Variants in MPP7 observed in about 807,000 individuals in gnomAD.
The protein encoded by MPP7 is MAGUK p55 scaffold protein 7, also known as MAGUK p55 subfamily member 7.
In MPP7, 60 loss-of-function variants were observed where a neutral mutation model predicts 76.5. The ratio of observed to expected loss-of-function variants is 0.78; its 90% CI spans 0.64 to 0.97. The LOEUF (loss-of-function observed/expected upper bound fraction) is 0.97, where lower values mean the gene tolerates loss of function less well. MPP7 is among the 50% of genes least tolerant of loss of function. The pLI, the probability that MPP7 is intolerant of heterozygous loss-of-function variation, is 0.00. For synonymous variants in MPP7, 237 were observed against 244.5 expected (o/e 0.97, Z 0.29); for missense variants, 641 against 694.0 (o/e 0.92, Z 0.86).
At chr10:28,269,426 G>A (rs1840250945) in intron 1 of MPP7, among the ~76,000 whole-genome samples, 1 of 151,934 alleles carries the variant, frequency 6.6e-6, no homozygotes, top group South Asian at 2.1e-4. Flanking sequence ...TACCACAAAA[G>A]AAGCCAATCC....
intron 1 of MPP7, among the ~76,000 whole-genome samples, chr10:28,253,481 G>A (rs527623348): frequency 6.6e-6 from 1 of 152,180 alleles, no homozygotes; most frequent in South Asian, 2.1e-4. Flanking sequence ...TAATCAGAAA[G>A]AGGAAAAATA....
At chr10:28,125,610 T>A (rs972926970) in intron 6 of MPP7, among the ~76,000 whole-genome samples, 9 of 149,400 alleles carry the variant, frequency 6.0e-5, no homozygotes, top group African/African-American at 2.0e-4. Context: ...AATAAAAATT[T>A]AAAAATTAAA....
chr10:28,058,410 A>G, intron 15 of MPP7, 85 bp downstream of exon 15: 1 of 639,626 alleles, frequency 1.6e-6, no homozygotes, highest in Middle Eastern at 2.7e-4. Context: ...AGTTGACTTC[A>G]TATTATTTCA....
chr10:28,217,800 GT>G (rs1244204453), intron 2 of MPP7, among the ~76,000 whole-genome samples: 1 of 152,112 alleles, frequency 6.6e-6, no homozygotes, highest in African/African-American at 2.4e-5. Context: ...AATTACCAGG[GT>G]TGTCATGTTT....
At chr10:28,207,574 A>G (rs910092245) in intron 2 of MPP7, among the ~76,000 whole-genome samples, 1 of 152,002 alleles carries the variant, frequency 6.6e-6, no homozygotes, top group African/African-American at 2.4e-5. Flanking sequence ...AGTCCCAGAT[A>G]CTCAGGAGGC....
chr10:28,174,511 C>A (rs1258065418), intron 3 of MPP7, among the ~76,000 whole-genome samples: 1 of 152,154 alleles, frequency 6.6e-6, no homozygotes, highest in Non-Finnish European at 1.5e-5. Flanking sequence ...CGTCCTGAGA[C>A]CCTCATCAAG....
intron 3 of MPP7, among the ~76,000 whole-genome samples, chr10:28,155,301 C>T (rs1836015045): frequency 6.6e-6 from 1 of 151,938 alleles, no homozygotes; most frequent in Non-Finnish European, 1.5e-5. Context: ...AATAAATAGC[C>T]ATTAAAGGCC....
intron 1 of MPP7, among the ~76,000 whole-genome samples, chr10:28,244,187 C>T (rs112011890): frequency 0.013 from 1,919 of 152,256 alleles, 25 homozygotes; most frequent in South Asian, 0.029. Context: ...ATTCTATATC[C>T]TTACATCCTA....
intron 6 of MPP7, 97 bp from the exon 7 acceptor site, chr10:28,125,188 C>T: frequency 9.4e-7 from 1 of 1,066,068 alleles, no homozygotes; most frequent in Non-Finnish European, 1.4e-6. Flanking sequence ...AAAGAGAAAA[C>T]AACTACAAAA....
At chr10:28,140,339 C>T (rs971476662) in intron 5 of MPP7, among the ~76,000 whole-genome samples, 6 of 151,988 alleles carry the variant, frequency 3.9e-5, no homozygotes, top group African/African-American at 1.4e-4. Context: ...GGTGAAACCC[C>T]AATCTCTACT....
intron 11 of MPP7, among the ~76,000 whole-genome samples, chr10:28,114,765 T>A (rs1363811821): frequency 6.6e-6 from 1 of 152,196 alleles, no homozygotes; most frequent in Non-Finnish European, 1.5e-5. Flanking sequence ...CCAACCTGCA[T>A]GGCATTGAGT....
intron 1 of MPP7, among the ~76,000 whole-genome samples, chr10:28,249,796 C>G (rs935115682): frequency 8.5e-5 from 13 of 152,140 alleles, no homozygotes; most frequent in Non-Finnish European, 2.9e-5. Flanking sequence ...CCTGCACCTT[C>G]CCCTGGTGGG....
At chr10:28,059,931 T>C (rs1851710683) in intron 13 of MPP7, among the ~76,000 whole-genome samples, 188 bp from the exon 14 acceptor site, 1 of 152,240 alleles carries the variant, frequency 6.6e-6, no homozygotes, top group South Asian at 2.1e-4. Context: ...ATTAAAATTA[T>C]ATTGATTTGA....
chr10:28,076,666 T>C (rs751249462), intron 12 of MPP7, among the ~76,000 whole-genome samples: 7 of 152,108 alleles, frequency 4.6e-5, no homozygotes, highest in Non-Finnish European at 8.8e-5. Flanking sequence ...GACAGGCGGA[T>C]CACCTGAGGT....
rs532335513 is a variant in MPP7, at chr10:28,226,036, A to G, written c.37+12532T>C. 4.6e-5 allele frequency among the ~76,000 whole-genome samples: 7 copies of G among 152,334 alleles called. No individual in the cohort carries two copies. The South Asian group carries it at 1.5e-3, about 32-fold the overall frequency. On this transcript the variant is annotated intron_variant, in intron 2 of 16. Transcript: ENST00000683449. ...TACACAAAATGCAGTATATACATAC[A>G]ATGGAATATTATTCCACCATAAAAA...
chr10:28,198,439 G>A, intron 3 of MPP7, among the ~76,000 whole-genome samples: 1 of 152,076 alleles, frequency 6.6e-6, no homozygotes, highest in East Asian at 1.9e-4. Context: ...GCCGGGACTG[G>A]TGACAGACGG....
intron 11 of MPP7, among the ~76,000 whole-genome samples, chr10:28,103,542 T>A (rs1020355549): frequency 6.6e-6 from 1 of 152,134 alleles, no homozygotes; most frequent in Non-Finnish European, 1.5e-5. Flanking sequence ...AAATGCCCAT[T>A]TCCCCAGCTC....
At chr10:28,201,650 T>C (rs1011945026) in intron 3 of MPP7, among the ~76,000 whole-genome samples, 2 of 152,148 alleles carry the variant, frequency 1.3e-5, no homozygotes, top group African/African-American at 4.8e-5. Context: ...TTACTCACAT[T>C]CGGCTTCAGT....
At chr10:28,236,916 T>C (rs777227500) in intron 2 of MPP7, 9 of 152,186 alleles carry the variant, frequency 5.9e-5, no homozygotes, top group Non-Finnish European at 1.2e-4. Flanking sequence ...GCAGAGACTC[T>C]TGTCTTCTGT....
Sources: allele counts gnomAD v4.1 joint callset (sites outside exome capture counted in the v4.1 genomes callset), GRCh38; gene constraint gnomAD v4.1.1; transcripts MANE v1.5; gene names NCBI Gene and HGNC (gene_info 2026-07-23, HGNC 2026-07-21).